The following PUM3 variants were observed in gnomAD, a reference collection of about 807,000 sequenced individuals.
PUM3 encodes the protein pumilio RNA binding family member 3.
A neutral mutation model predicts 84.0 loss-of-function variants in PUM3; 91 were observed. That is an observed-to-expected ratio of 1.08 (90% confidence interval 0.91 to 1.29). PUM3 has a LOEUF of 1.29. PUM3 is among the 50% of genes most tolerant of loss of function. PUM3 has a pLI of 0.00. For missense variants in PUM3, 1,067 were observed against 767.5 expected (o/e 1.39, Z -4.61); for synonymous variants, 321 against 266.7 (o/e 1.20, Z -1.98).
At chr9:2,834,273 C>G in intron 3 of PUM3, 107 bp from the exon 4 acceptor site, 1 of 949,482 alleles carries the variant, frequency 1.1e-6, no homozygotes, top group East Asian at 2.6e-5. Flanking sequence ...AATGCTCATT[C>G]TGGAAGCTAA....
intron 12 of PUM3, among the ~76,000 whole-genome samples, chr9:2,822,078 G>C (rs777115755): frequency 1.3e-5 from 2 of 152,126 alleles, no homozygotes; most frequent in African/African-American, 4.8e-5. Flanking sequence ...GCATAACCAA[G>C]CATAAAATAT....
intron 3 of PUM3, among the ~76,000 whole-genome samples, chr9:2,836,914 T>C (rs904501582): frequency 1.3e-5 from 2 of 152,176 alleles, no homozygotes; most frequent in African/African-American, 2.4e-5. Flanking sequence ...AGAAATGTTT[T>C]ATTGAGGTTC....
In PUM3 at chr9:2,838,366, A is replaced by G; in HGVS notation, c.82+60T>C. ...CAATGAATACAGATTGAAATTTACT[A>G]CATGCCCTCCCATCCCCCAATTATA... On this transcript the variant is annotated intron_variant, in intron 2 of 17. Coordinates refer to ENST00000397885, the MANE Select transcript of PUM3 (RefSeq NM_014878.5). 8 of 1,099,020 alleles carry G rather than the reference A, an allele frequency of 7.3e-6. No homozygotes were observed. The South Asian group carries it at 7.5e-5, about 10-fold the overall frequency. 68.1% of individuals were successfully genotyped at this position (1,099,020 alleles called of 1,614,324 possible).
intron 11 of PUM3, among the ~76,000 whole-genome samples, chr9:2,824,401 G>C (rs1365624287): frequency 6.6e-6 from 1 of 152,138 alleles, no homozygotes; most frequent in East Asian, 1.9e-4. Context: ...GCCACAGTAT[G>C]ATCATTAAAA....
intron 12 of PUM3, 88 bp downstream of exon 12, chr9:2,823,693 T>G: frequency 3.6e-6 from 2 of 555,666 alleles, no homozygotes; most frequent in Non-Finnish European, 3.1e-6. Flanking sequence ...GCTTGGTAAT[T>G]TTCTGAATTT....
intron 10 of PUM3, among the ~76,000 whole-genome samples, chr9:2,825,567 C>A (rs1207022749): frequency 2.6e-5 from 4 of 152,044 alleles, no homozygotes; most frequent in Non-Finnish European, 5.9e-5. Flanking sequence ...ACTGCAACCT[C>A]CACCTCCCAG....
chr9:2,810,607 G>C (rs535372031), intron 15 of PUM3, among the ~76,000 whole-genome samples, 176 bp from the exon 16 acceptor site: 33 of 152,306 alleles, frequency 2.2e-4, no homozygotes, highest in East Asian at 1.2e-3. Flanking sequence ...GGGGACCACA[G>C]ATCTATTCTG....
Position 2,810,465 on chromosome 9 carries a change from T to C in PUM3, c.1636-34A>G, listed in dbSNP as rs561677452. 88 of 1,439,014 alleles carry C rather than the reference T, an allele frequency of 6.1e-5. 1 individual carries two copies. The South Asian group carries it at 1.0e-3, about 16-fold the overall frequency. The allele number at this position is 1,439,014 out of a possible 1,614,324, so 89.1% of individuals were successfully genotyped here. On this transcript the variant is annotated intron_variant, in intron 15 of 17. Transcript: ENST00000397885. ...GGTCAAGAACAGTTAATTTTAAAAG[T>C]TGTTTTCATTCATACAAATACATTT...
chr9:2,843,725 C>T (rs555551235), intron 1 of PUM3, among the ~76,000 whole-genome samples: 1 of 152,070 alleles, frequency 6.6e-6, no homozygotes, highest in African/African-American at 2.4e-5. Flanking sequence ...ACCACAGGCG[C>T]CCGCCACCAT....
Position 2,825,096 on chromosome 9 carries a change from T to G in PUM3, c.1036-281A>C, listed in dbSNP as rs77102229. ...GTTAAAAAAAAGGTCAAGCTATATG[T>G]GTAATATAATATATTCTAAATAATT... On this transcript the variant is annotated intron_variant, in intron 10 of 17. Coordinates refer to ENST00000397885, the MANE Select transcript of PUM3 (RefSeq NM_014878.5). Among the ~76,000 whole-genome samples, 327 of 152,280 alleles carry G rather than the reference T, an allele frequency of 2.1e-3. 2 individuals are homozygous for G. The highest frequency in any genetic ancestry group is 7.7e-3 in the African/African-American group (319 of 41,554).
At chr9:2,840,728 G>C (rs374949701) in intron 1 of PUM3, among the ~76,000 whole-genome samples, 1 of 152,152 alleles carries the variant, frequency 6.6e-6, no homozygotes, top group African/African-American at 2.4e-5. Flanking sequence ...TTTTGACGCG[G>C]CCCAACTGTT....
At chr9:2,816,782 A>G (rs932613687) in intron 13 of PUM3, among the ~76,000 whole-genome samples, 1 of 152,226 alleles carries the variant, frequency 6.6e-6, no homozygotes, top group Non-Finnish European at 1.5e-5. Context: ...AAAAGACTAT[A>G]GTAGTTGAGT....
Position 2,833,409 on chromosome 9 carries a change from C to G in PUM3, c.464G>C (p.Arg155Thr). The change falls in exon 5 of 18, where the codon AGA becomes ACA. Residue 155 changes from arginine (R) to threonine (T), a missense_variant. Coordinates refer to ENST00000397885, the MANE Select transcript of PUM3 (RefSeq NM_014878.5). ...CTGCAAATCACTCATTAACTTTACT[C>G]TTTTTTCTTTGTCACAGTCTTTTCT... is the stretch of plus-strand genomic sequence containing the variant. The part of the protein sequence containing the change: ...LRRKDCDKEK[R>T]VKLMSDLQKL... The G allele has an allele frequency of 6.3e-7, 1 of 1,586,876 alleles. No individual in the cohort carries two copies. Among genetic ancestry groups the G allele is most frequent in the Non-Finnish European group, 8.6e-7 (1 of 1,158,358 alleles).
chr9:2,809,410 T>C (rs1487282892), intron 16 of PUM3, among the ~76,000 whole-genome samples: 1 of 152,230 alleles, frequency 6.6e-6, no homozygotes, highest in Non-Finnish European at 1.5e-5. Context: ...TGAAAAAGAT[T>C]ATTCCATATG....
intron 3 of PUM3, among the ~76,000 whole-genome samples, chr9:2,835,090 T>G (rs1379707978): frequency 6.6e-6 from 1 of 152,044 alleles, no homozygotes; most frequent in Non-Finnish European, 1.5e-5. Context: ...TCCCCTTGCT[T>G]CTTCTCCATA....
At chr9:2,811,863 A>G (rs1268948560) in intron 14 of PUM3, among the ~76,000 whole-genome samples, 1 of 151,514 alleles carries the variant, frequency 6.6e-6, no homozygotes, top group East Asian at 1.9e-4. Flanking sequence ...AAAAAAATCC[A>G]AAAACCAAAT....
chr9:2,810,108 G>A (rs1821334122), intron 16 of PUM3, among the ~76,000 whole-genome samples: 1 of 150,414 alleles, frequency 6.6e-6, no homozygotes, highest in South Asian at 2.1e-4. Context: ...GGGCGGTGGG[G>A]GGGGCTGGCG....
chr9:2,835,776 T>C (rs1816104846), intron 3 of PUM3, among the ~76,000 whole-genome samples: 1 of 152,238 alleles, frequency 6.6e-6, no homozygotes, highest in Non-Finnish European at 1.5e-5. Flanking sequence ...ATCTCTCATG[T>C]TATTTTATCA....
At position 2,819,873 on chromosome 9, in the gene PUM3, A is replaced by T. The variant is rs1821550466; in HGVS notation, c.1269+145T>A. On this transcript the variant is annotated intron_variant, in intron 13 of 17. Transcript: ENST00000397885. ...CAGGAATAAAACAAACCTCCAAAAT[A>T]AAACATAATTAACTTAAAAGTAAGC... The T allele has an allele frequency of 1.2e-5, 6 of 495,172 alleles. No individual in the cohort carries two copies. In the East Asian group the frequency reaches 1.8e-4, roughly 15 times the overall value. The allele number at this position is 495,172 out of a possible 1,614,324, so 30.7% of individuals were successfully genotyped here. A position where few individuals can be genotyped will look rare whatever the true frequency, so the allele number is the denominator to read the frequency against.
Sources: gnomAD v4.1 joint callset for allele counts (sites outside exome capture counted in the v4.1 genomes callset) on GRCh38, gnomAD v4.1.1 for gene constraint, MANE v1.5 for transcripts, NCBI Gene and HGNC (gene_info 2026-07-23, HGNC 2026-07-21) for gene names.